Variants in ADAMTS18 observed in about 807,000 individuals in gnomAD.
ADAMTS18 encodes the protein ADAM metallopeptidase with thrombospondin type 1 motif 18.
Under a neutral mutation model 165.9 loss-of-function variants are expected in ADAMTS18, and 157 were observed. The observed-to-expected ratio is 0.95, with a 90% CI of 0.83 to 1.08. ADAMTS18 has a LOEUF of 1.08. Ranked by LOEUF, ADAMTS18 falls within the 50% of genes least tolerant of loss-of-function variation. The pLI, the probability that ADAMTS18 is intolerant of heterozygous loss-of-function variation, is 0.00. For missense variants in ADAMTS18, 2,040 were observed against 1,534.0 expected, an observed-to-expected ratio of 1.33 and a Z score of -5.51; for synonymous variants, 782 against 578.2, an observed-to-expected ratio of 1.35 and a Z score of -5.06.
intron 21 of ADAMTS18, 93 bp from the exon 22 acceptor site, chr16:77,289,504 A>G: frequency 1.4e-6 from 2 of 1,447,644 alleles, no homozygotes; most frequent in South Asian, 1.2e-5. Context: ...GACATTAACA[A>G]GATGCCTGCT....
At chr16:77,404,360 G>C (rs1283250578) in intron 3 of ADAMTS18, among the ~76,000 whole-genome samples, 1 of 152,116 alleles carries the variant, frequency 6.6e-6, no homozygotes, top group Non-Finnish European at 1.5e-5. Context: ...ATTAGATTTA[G>C]GGGGGAAACA....
Position 77,367,549 on chromosome 16 carries a change from A to G in ADAMTS18, c.670T>C (p.Tyr224His), listed in dbSNP as rs2056814755. 1 of 1,614,242 alleles carries G rather than the reference A, an allele frequency of 6.2e-7. No homozygotes were observed. The change falls in exon 4 of 23, where the codon TAT becomes CAT. Residue 224 changes from tyrosine to histidine, a missense_variant. Physicochemically the swap from Tyr to His is moderately conservative, Grantham distance 83. Coordinates refer to ENST00000282849, the MANE Select transcript of ADAMTS18 (RefSeq NM_199355.4). The stretch of plus-strand genomic sequence containing the variant: ...ATGTGACTTGGGGAGTAACCAGGAT[A>G]ATTCCGGCCAGAGCCGGGGTAGCCA... ...YRGYPGSGRN[Y>H]PGYSPSHIPH...
chr16:77,360,695 A>G (rs2562115), intron 7 of ADAMTS18, among the ~76,000 whole-genome samples: 80,796 of 152,024 alleles, frequency 0.53, 21,994 homozygotes, highest in Non-Finnish European at 0.59. Flanking sequence ...TCCCAAAATC[A>G]TTGTGTTTTT....
intron 21 of ADAMTS18, chr16:77,290,803 C>T (rs2055347118): frequency 1.1e-5 from 2 of 175,362 alleles, no homozygotes; most frequent in Admixed American, 1.1e-4. Flanking sequence ...GCTTTAGGGA[C>T]CATACTACCC....
At chr16:77,357,437 ATTC>A (rs931510569) in intron 8 of ADAMTS18, among the ~76,000 whole-genome samples, 6 of 152,160 alleles carry the variant, frequency 3.9e-5, no homozygotes, top group Non-Finnish European at 8.8e-5. Flanking sequence ...TCCCAATTTA[ATTC>A]TTCTTCTCAC....
chr16:77,362,244 A>T lies in ADAMTS18; in HGVS notation c.1077T>A (p.His359Gln). ...AACTATTCAGAGACTGGTCTGCATGATGGTTGATCAATAATCCTCCCTATG... is the reference window on the plus strand; with the variant it reads ...AACTATTCAGAGACTGGTCTGCATGTTGGTTGATCAATAATCCTCCCTATG... ...EQEPGGLLIN[H>Q]HADQSLNSFC... Residue 359 changes from histidine to glutamine, a missense_variant, in exon 7 of 23, where the codon CAT becomes CAA. By Grantham distance (24) the His-to-Gln change is conservative. Transcript: ENST00000282849. The T allele has an allele frequency of 6.2e-7, 1 of 1,614,166 alleles. No homozygotes were observed. Among genetic ancestry groups the T allele is most frequent in the South Asian group, 1.1e-5 (1 of 91,084 alleles).
At chr16:77,387,686 G>A (rs550064045) in intron 3 of ADAMTS18, among the ~76,000 whole-genome samples, 44 of 152,176 alleles carry the variant, frequency 2.9e-4, no homozygotes, top group Non-Finnish European at 5.0e-4. Context: ...GCAGCTGGAT[G>A]TTGAGTTTTT....
chr16:77,407,580 G>A (rs993617173), intron 3 of ADAMTS18, among the ~76,000 whole-genome samples: 21 of 152,152 alleles, frequency 1.4e-4, no homozygotes, highest in Middle Eastern at 3.4e-3. Context: ...ATAAGGTGTG[G>A]TATTAGAATA....
At chr16:77,385,284 T>C (rs1445441137) in intron 3 of ADAMTS18, among the ~76,000 whole-genome samples, 1 of 152,220 alleles carries the variant, frequency 6.6e-6, no homozygotes, top group Non-Finnish European at 1.5e-5. Flanking sequence ...TAAATTATCA[T>C]TATCCAAATG....
At chr16:77,320,187 G>T (rs2055970088) in intron 15 of ADAMTS18, 94 bp from the exon 16 acceptor site, 1 of 1,471,750 alleles carries the variant, frequency 6.8e-7, no homozygotes. Flanking sequence ...CAGTTTTATA[G>T]AGTGAGGTTT....
chr16:77,367,784 G>A, intron 3 of ADAMTS18, 61 bp from the exon 4 acceptor site: 4 of 1,606,822 alleles, frequency 2.5e-6, no homozygotes, highest in Non-Finnish European at 2.6e-6. Flanking sequence ...CCAAGGGTTG[G>A]TTTTCAACAA....
At chr16:77,290,679 TCACA>T (rs891758696) in intron 21 of ADAMTS18, 4 of 165,838 alleles carry the variant, frequency 2.4e-5, no homozygotes, top group Admixed American at 2.2e-4. Flanking sequence ...AAGGACCGCG[TCACA>T]CACCAATCCT....
intron 11 of ADAMTS18, among the ~76,000 whole-genome samples, chr16:77,337,077 C>A (rs1467423231): frequency 6.6e-6 from 1 of 152,198 alleles, no homozygotes; most frequent in Non-Finnish European, 1.5e-5. Context: ...TAAGATATTG[C>A]TTCCTTTCTT....
chr16:77,387,114 T>C (rs539576778), intron 3 of ADAMTS18, among the ~76,000 whole-genome samples: 2 of 152,210 alleles, frequency 1.3e-5, no homozygotes, highest in Admixed American at 6.5e-5. Context: ...CAAATGCACA[T>C]GCGGTTAACT....
At chr16:77,310,015 A>G (rs914278692) in intron 16 of ADAMTS18, among the ~76,000 whole-genome samples, 6 of 152,200 alleles carry the variant, frequency 3.9e-5, no homozygotes, top group African/African-American at 2.4e-5. Context: ...GCCAGTCTCA[A>G]GAGATGATCA....
At position 77,300,359 on chromosome 16, in the gene ADAMTS18, G is replaced by A. The variant is rs930285111; in HGVS notation, c.2578C>T (p.Leu860Phe). The A allele has an allele frequency of 1.9e-6, 3 of 1,614,070 alleles. No individual in the cohort carries two copies. The highest frequency in any genetic ancestry group is 2.5e-6 in the Non-Finnish European group (3 of 1,179,980). The change falls in exon 17 of 23, where the codon CTT becomes TTT. Residue 860 changes from leucine (L) to phenylalanine (F), a missense_variant. Transcript: ENST00000282849. ...KNPGIAWKYALPKVMNGTPPA... is the reference protein window; with the variant it reads ...KNPGIAWKYAFPKVMNGTPPA... ...GGAGTTCCATTCATGACCTTGGGAAGTGCATACTTCCAAGCTATCCCTGGA... is the reference window on the plus strand; with the variant it reads ...GGAGTTCCATTCATGACCTTGGGAAATGCATACTTCCAAGCTATCCCTGGA...
chr16:77,375,054 T>A (rs142699892), intron 3 of ADAMTS18, among the ~76,000 whole-genome samples: 124 of 152,080 alleles, frequency 8.2e-4, no homozygotes, highest in African/African-American at 2.6e-3. Context: ...TTTTGAGATA[T>A]CGAAAACAAG....
At chr16:77,374,580 C>T (rs561105195) in intron 3 of ADAMTS18, among the ~76,000 whole-genome samples, 4 of 152,282 alleles carry the variant, frequency 2.6e-5, no homozygotes, top group East Asian at 1.9e-4. Context: ...TGAATTATCC[C>T]TGAAAGCCCT....
chr16:77,351,449 C>G (rs1211879891), intron 10 of ADAMTS18, among the ~76,000 whole-genome samples: 1 of 152,148 alleles, frequency 6.6e-6, no homozygotes, highest in Admixed American at 6.5e-5. Flanking sequence ...GCCCTGCACA[C>G]TGCCTGACAC....
Sources: allele counts gnomAD v4.1 joint callset (sites outside exome capture counted in the v4.1 genomes callset), GRCh38; gene constraint gnomAD v4.1.1; transcripts MANE v1.5; gene names NCBI Gene and HGNC (gene_info 2026-07-23, HGNC 2026-07-21).